ABCA1: variants seen among roughly 807,000 people sequenced by gnomAD.
ABCA1 encodes the protein ATP binding cassette subfamily A member 1.
Under a neutral mutation model 262.5 loss-of-function variants are expected in ABCA1, and 133 were observed. The observed-to-expected ratio is 0.51, with a 90% CI of 0.44 to 0.59. The LOEUF (loss-of-function observed/expected upper bound fraction) is 0.59, where lower values mean the gene tolerates loss of function less well. Ranked by LOEUF, ABCA1 falls within the 20% of genes least tolerant of loss-of-function variation. The pLI, the probability that ABCA1 is intolerant of heterozygous loss-of-function variation, is 0.00. For synonymous variants in ABCA1, 1,022 were observed against 1,043.5 expected (o/e 0.98, Z 0.40); for missense variants, 2,452 against 2,777.5 (o/e 0.88, Z 2.63).
At chr9:104,903,068 C>T (rs1201354338) in intron 2 of ABCA1, among the ~76,000 whole-genome samples, 2 of 152,192 alleles carry the variant, frequency 1.3e-5, no homozygotes, top group Non-Finnish European at 2.9e-5. Flanking sequence ...TAAAGATGAT[C>T]TCCAGATTAC....
intron 2 of ABCA1, among the ~76,000 whole-genome samples, chr9:104,900,431 G>A (rs762419968): frequency 9.9e-5 from 15 of 152,170 alleles, no homozygotes; most frequent in Non-Finnish European, 2.1e-4. Context: ...TCCATACGCT[G>A]CAGGCAACAG....
intron 48 of ABCA1, 89 bp from the exon 49 acceptor site, chr9:104,785,728 A>T: frequency 6.5e-7 from 1 of 1,548,418 alleles, no homozygotes; most frequent in Non-Finnish European, 8.8e-7. Flanking sequence ...TTGTGCCATG[A>T]AAAAGGGCGG....
At chr9:104,840,180 T>C in intron 9 of ABCA1, 99 bp downstream of exon 9, 2 of 1,599,076 alleles carry the variant, frequency 1.3e-6, no homozygotes, top group Non-Finnish European at 1.7e-6. Context: ...CATGTAGACA[T>C]CTAACGCTGC....
intron 2 of ABCA1, among the ~76,000 whole-genome samples, chr9:104,890,759 G>A (rs1009909765): frequency 2.0e-5 from 3 of 152,004 alleles, no homozygotes; most frequent in South Asian, 2.1e-4. Context: ...CCACTGCACT[G>A]AGCCAAAGCA....
At chr9:104,855,938 C>T (rs955890497) in intron 7 of ABCA1, 14 of 1,612,850 alleles carry the variant, frequency 8.7e-6, no homozygotes, top group African/African-American at 4.0e-5. Context: ...ATATGTCTCT[C>T]GTGAAATTCC....
At chr9:104,847,664 C>T (rs78440558) in intron 7 of ABCA1, among the ~76,000 whole-genome samples, 1,544 of 152,334 alleles carry the variant, frequency 0.01, 28 homozygotes, top group African/African-American at 0.035. Flanking sequence ...CACAGCATAT[C>T]AGCCACACTC....
chr9:104,822,119 G>A (rs182687091), intron 19 of ABCA1, among the ~76,000 whole-genome samples: 3 of 152,282 alleles, frequency 2.0e-5, no homozygotes, highest in African/African-American at 7.2e-5. Context: ...AATCAAGCCA[G>A]CTGCCCAGCT....
In ABCA1 at chr9:104,824,446, G is replaced by A. The variant is rs1424813766; in HGVS notation, c.2656+19C>T. On this transcript the variant is annotated intron_variant, in intron 18 of 49. Coordinates refer to ENST00000374736, the MANE Select transcript of ABCA1 (RefSeq NM_005502.4). ...GCAGCACTAGGTTAAAGAAAGAGCA[G>A]GAGGTCAACAGCACTTACTTTCTGA... 1.9e-6 allele frequency: 3 copies of A among 1,613,876 alleles called. No homozygotes were observed. Among genetic ancestry groups the A allele is most frequent in the African/African-American group, 1.3e-5 (1 of 74,906 alleles).
chr9:104,855,772 A>G (rs1010717537), intron 7 of ABCA1: 1 of 1,561,150 alleles, frequency 6.4e-7, no homozygotes, highest in African/African-American at 1.4e-5. Flanking sequence ...ACCCAGACCC[A>G]GCTGACCCTC....
Position 104,809,487 on chromosome 9 carries a change from C to G in ABCA1, c.4253G>C (p.Cys1418Ser). ...TCACGGGATTGGGTTTCCTTCCATA[C>G]AGCGGGTCCCGAAGCCAGGGTCTTT... ...LTKDPGFGTR[C>S]MEGNPIPDTP... Residue 1418 changes from cysteine (C) to serine (S), a missense_variant, in exon 30 of 50, where the codon TGT (cysteine) becomes TCT (serine). Transcript: ENST00000374736. The G allele has an allele frequency of 1.2e-6, 2 of 1,614,196 alleles. No individual in the cohort carries two copies. The highest frequency in any genetic ancestry group is 1.7e-6 in the Non-Finnish European group (2 of 1,180,032).
chr9:104,913,960 C>A (rs1187340565), intron 1 of ABCA1, among the ~76,000 whole-genome samples: 1 of 74,510 alleles, frequency 1.3e-5, no homozygotes, highest in African/African-American at 4.1e-5. Flanking sequence ...CCAACACGCC[C>A]GGCTAATTTT....
intron 5 of ABCA1, among the ~76,000 whole-genome samples, chr9:104,882,608 C>T (rs1588496536): frequency 1.3e-5 from 2 of 152,260 alleles, no homozygotes; most frequent in South Asian, 4.1e-4. Context: ...GAATTGCATT[C>T]TCTTTTTAGA....
chr9:104,899,239 G>T (rs751923533), intron 2 of ABCA1, among the ~76,000 whole-genome samples: 1 of 152,168 alleles, frequency 6.6e-6, no homozygotes, highest in Admixed American at 6.5e-5. Context: ...CACTGCTGCC[G>T]GCCCAGGAGT....
chr9:104,810,101 G>C (rs1831137164), intron 29 of ABCA1, among the ~76,000 whole-genome samples: 2 of 142,676 alleles, frequency 1.4e-5, no homozygotes, highest in South Asian at 4.5e-4. Context: ...TATGTAAGAA[G>C]AAAATGTGGG....
intron 7 of ABCA1, among the ~76,000 whole-genome samples, chr9:104,854,701 A>T (rs1464811903): frequency 2.6e-5 from 4 of 152,142 alleles, no homozygotes; most frequent in Non-Finnish European, 5.9e-5. Flanking sequence ...AGCAAGACAA[A>T]AGAAGCCCCT....
rs1298089307 is a variant in ABCA1 at position 104,781,097 on chromosome 9, G to A, written c.*3218C>T. On this transcript the variant is annotated 3_prime_UTR_variant, in exon 50 of 50. Transcript: ENST00000374736. ...TTTTAATACTTCATATAAAGTTATTGACATACAAAATTTTTTTTCTTTTTT... is the reference window on the plus strand; with the variant it reads ...TTTTAATACTTCATATAAAGTTATTAACATACAAAATTTTTTTTCTTTTTT... 2.0e-5 allele frequency: 3 copies of A among 152,510 alleles called. No homozygotes were observed. The highest frequency in any genetic ancestry group is 2.9e-5 in the Non-Finnish European group (2 of 67,988). The allele number at this position is 152,510 out of a possible 1,614,324, so 9.4% of individuals were successfully genotyped here. A position where few individuals can be genotyped will look rare whatever the true frequency, so the allele number is the denominator to read the frequency against.
At position 104,796,236 on chromosome 9, in the gene ABCA1, C is replaced by T. The variant is rs569244096; in HGVS notation, c.5238-39G>A. 11 of 1,614,056 alleles carry T rather than the reference C, an allele frequency of 6.8e-6. 2 individuals are homozygous for T. The South Asian group carries it at 9.9e-5, about 14-fold the overall frequency. On this transcript the variant is annotated intron_variant, in intron 38 of 49. Coordinates refer to ENST00000374736, the MANE Select transcript of ABCA1 (RefSeq NM_005502.4). ...AAAAGATAAGTGTCTACTGAGAGTC[C>T]CTGCCCTCCTTCTGACACTGGGCAC...
Position 104,876,961 on chromosome 9 carries a change from A to G in ABCA1, c.421+6078T>C, listed in dbSNP as rs138018069. On this transcript the variant is annotated intron_variant, in intron 5 of 49. Coordinates refer to ENST00000374736, the MANE Select transcript of ABCA1 (RefSeq NM_005502.4). The stretch of plus-strand genomic sequence containing the variant: ...TTTAAAACAAGATAGTATTTTTAAA[A>G]AATCTTACTTTTGCAAACCTTACAA... Among the ~76,000 whole-genome samples the G allele has an allele frequency of 1.4e-3, 211 of 152,368 alleles. 1 individual carries two copies. Among genetic ancestry groups the G allele is most frequent in the African/African-American group, 4.9e-3 (203 of 41,588 alleles).
Position 104,845,547 on chromosome 9 carries a change from G to T in ABCA1, c.743C>A (p.Pro248His), listed in dbSNP as rs771385885. 6.2e-7 allele frequency: 1 copy of T among 1,613,776 alleles called. No homozygotes were observed. The highest frequency in any genetic ancestry group is 2.2e-5 in the East Asian group (1 of 44,868). ...TTCAGCCAGCTCCTTGCTCGGGAAG[G>T]GAGATGTAGAGTTTAGTGTTCTCTG... The part of the protein sequence containing the change: ...PILRTLNSTS[P>H]FPSKELAEAT... The change falls in exon 8 of 50, where the codon CCC (proline) becomes CAC (histidine). Residue 248 changes from proline (P) to histidine (H), a missense_variant. Transcript: ENST00000374736.
Sources: allele counts gnomAD v4.1 joint callset (sites outside exome capture counted in the v4.1 genomes callset), GRCh38; gene constraint gnomAD v4.1.1; transcripts MANE v1.5; gene names NCBI Gene and HGNC (gene_info 2026-07-23, HGNC 2026-07-21).